The following KCTD16 variants were observed in gnomAD, a reference collection of about 807,000 sequenced individuals.
KCTD16 encodes the protein BTB/POZ domain-containing protein KCTD16.
A neutral mutation model predicts 33.2 loss-of-function variants in KCTD16; 13 were observed. The observed-to-expected ratio is 0.39, with a 90% CI of 0.25 to 0.62. The LOEUF (loss-of-function observed/expected upper bound fraction) is 0.62. Among genes scored for constraint, KCTD16 ranks in the 20% least tolerant of loss-of-function variants. KCTD16 has a pLI of 0.50. For missense variants in KCTD16, 441 were observed against 525.1 expected (o/e 0.84, Z 1.57); for synonymous variants, 197 against 195.3 (o/e 1.01, Z -0.07).
intron 3 of KCTD16, among the ~76,000 whole-genome samples, chr5:144,244,657 A>C (rs1328973027): frequency 6.6e-6 from 1 of 152,080 alleles, no homozygotes; most frequent in Admixed American, 6.6e-5. Context: ...TTTGCTTGGG[A>C]TTGGAGAGAT....
At chr5:144,465,278 C>T (rs180703937) in intron 3 of KCTD16, among the ~76,000 whole-genome samples, 4 of 146,348 alleles carry the variant, frequency 2.7e-5, no homozygotes, top group African/African-American at 7.6e-5. Flanking sequence ...CTTCTTTCTT[C>T]GAAGTACCCT....
chr5:144,301,337 A>T (rs1751433407), intron 3 of KCTD16, among the ~76,000 whole-genome samples: 1 of 152,028 alleles, frequency 6.6e-6, no homozygotes, highest in South Asian at 2.1e-4. Context: ...TTTTAGGCAG[A>T]GAAATGGATT....
chr5:144,192,964 C>G (rs1752872803), intron 2 of KCTD16, among the ~76,000 whole-genome samples: 1 of 152,110 alleles, frequency 6.6e-6, no homozygotes, highest in African/African-American at 2.4e-5. Flanking sequence ...AGCTTTGTGT[C>G]AAATGAACTG....
chr5:144,253,598 G>T (rs1350897960), intron 3 of KCTD16, among the ~76,000 whole-genome samples: 1 of 152,150 alleles, frequency 6.6e-6, no homozygotes, highest in African/African-American at 2.4e-5. Flanking sequence ...TAAACTTGGT[G>T]CAGACATGTG....
intron 2 of KCTD16, among the ~76,000 whole-genome samples, chr5:144,204,984 C>G (rs1283568467): frequency 6.6e-6 from 1 of 150,646 alleles, no homozygotes; most frequent in African/African-American, 2.5e-5. Context: ...GGAAGGAATT[C>G]CGTGAACGAG....
At chr5:144,275,483 G>T (rs891989941) in intron 3 of KCTD16, among the ~76,000 whole-genome samples, 1 of 152,120 alleles carries the variant, frequency 6.6e-6, no homozygotes, top group African/African-American at 2.4e-5. Flanking sequence ...GACCTTTGGA[G>T]ATTTCTCCCC....
chr5:144,294,018 G>A (rs1477186713), intron 3 of KCTD16, among the ~76,000 whole-genome samples: 1 of 152,070 alleles, frequency 6.6e-6, no homozygotes, highest in Non-Finnish European at 1.5e-5. Context: ...AACTAGCCAG[G>A]TGTGGTGGCA....
intron 3 of KCTD16, among the ~76,000 whole-genome samples, chr5:144,456,756 C>CTTT (rs979520902): frequency 2.2e-5 from 3 of 138,016 alleles, no homozygotes; most frequent in Admixed American, 7.3e-5. Context: ...CCACAGAACT[C>CTTT]TTTTTTTTTT....
chr5:144,308,435 G>T (rs561754890), intron 3 of KCTD16, among the ~76,000 whole-genome samples: 44 of 152,144 alleles, frequency 2.9e-4, no homozygotes, highest in Admixed American at 5.2e-4. Flanking sequence ...AATTTAGCCC[G>T]CCTGAGGCGG....
At chr5:144,434,313 A>G (rs1272754139) in intron 3 of KCTD16, among the ~76,000 whole-genome samples, 1 of 152,180 alleles carries the variant, frequency 6.6e-6, no homozygotes, top group Non-Finnish European at 1.5e-5. Context: ...ACTAGATATT[A>G]GAGGTAGTCA....
At chr5:144,271,306 T>C (rs1755287382) in intron 3 of KCTD16, among the ~76,000 whole-genome samples, 2 of 152,062 alleles carry the variant, frequency 1.3e-5, no homozygotes. Context: ...TTAAAAGACT[T>C]TGATCAAGTA....
chr5:144,275,681 G>T (rs1755420727), intron 3 of KCTD16, among the ~76,000 whole-genome samples: 1 of 152,152 alleles, frequency 6.6e-6, no homozygotes, highest in Non-Finnish European at 1.5e-5. Flanking sequence ...ATAAATACGT[G>T]CCATTCTGGT....
intron 3 of KCTD16, among the ~76,000 whole-genome samples, chr5:144,347,440 C>A (rs1270881259): frequency 1.3e-5 from 2 of 152,088 alleles, no homozygotes; most frequent in Admixed American, 1.3e-4. Context: ...ACTAAAAATA[C>A]AAAAATTAGC....
chr5:144,249,873 T>C (rs1037266257), intron 3 of KCTD16, among the ~76,000 whole-genome samples: 1 of 152,160 alleles, frequency 6.6e-6, no homozygotes, highest in East Asian at 1.9e-4. Context: ...AATAACATGC[T>C]AGGTCTCTAT....
intron 3 of KCTD16, among the ~76,000 whole-genome samples, chr5:144,305,969 C>T (rs956830153): frequency 6.6e-6 from 1 of 152,152 alleles, no homozygotes; most frequent in Non-Finnish European, 1.5e-5. Flanking sequence ...TTGTTTAAGC[C>T]ATCCATTCAA....
Position 144,207,436 on chromosome 5 carries a change from CAG to C in KCTD16, c.725_726del (p.Glu242ValfsTer9). ...CTGGAAAGGGCTTTTGATATGTTGT[CAG>C]AGTGTGGATTCCACATGGTGGCCTG... On this transcript the variant is annotated frameshift_variant, in exon 3 of 4. Coordinates refer to ENST00000512467, the MANE Select transcript of KCTD16 (RefSeq NM_020768.4). LOFTEE classifies it high-confidence loss of function. 1 of 1,614,218 alleles carries C rather than the reference CAG, an allele frequency of 6.2e-7. No individual in the cohort carries two copies.
chr5:144,186,700 T>C (rs555227656), intron 2 of KCTD16, among the ~76,000 whole-genome samples: 1 of 152,296 alleles, frequency 6.6e-6, no homozygotes, highest in South Asian at 2.1e-4. Flanking sequence ...GGCAATATAC[T>C]CTATGTATGT....
chr5:144,434,608 G>C (rs1349522189), intron 3 of KCTD16, among the ~76,000 whole-genome samples: 1 of 152,040 alleles, frequency 6.6e-6, no homozygotes, highest in Non-Finnish European at 1.5e-5. Context: ...TTTTTGGTAT[G>C]ATACAAAGGA....
chr5:144,364,239 G>A (rs1188011929), intron 3 of KCTD16, among the ~76,000 whole-genome samples: 1 of 152,148 alleles, frequency 6.6e-6, no homozygotes, highest in Non-Finnish European at 1.5e-5. Flanking sequence ...GCACGGTCAA[G>A]CTTCTGCACC....
Sources: gnomAD v4.1 joint callset for allele counts (sites outside exome capture counted in the v4.1 genomes callset) on GRCh38, gnomAD v4.1.1 for gene constraint, MANE v1.5 for transcripts, NCBI Gene and HGNC (gene_info 2026-07-23, HGNC 2026-07-21) for gene names.